Variants in LRFN3 observed in about 807,000 individuals in gnomAD.
LRFN3 encodes the protein leucine rich repeat and fibronectin type III domain containing 3, also known as leucine-rich repeat and fibronectin type-III domain-containing protein 3.
Under a neutral mutation model 23.8 loss-of-function variants are expected in LRFN3, and 8 were observed. The observed-to-expected ratio is 0.34, with a 90% confidence interval of 0.20 to 0.61. LRFN3 has a LOEUF of 0.61. Ranked by LOEUF, LRFN3 falls within the 20% of genes least tolerant of loss-of-function variation. The pLI, the probability that LRFN3 is intolerant of heterozygous loss-of-function variation, is 0.80. For synonymous variants in LRFN3, 451 were observed against 450.6 expected (o/e 1.00, Z -0.01); for missense variants, 736 against 935.3 (o/e 0.79, Z 2.78).
chr19:35,940,337 T>G lies in LRFN3; in HGVS notation c.912T>G (p.Pro304=), dbSNP rs376416039. Residue 304 remains proline, a synonymous_variant, in exon 2 of 3, where the codon CCT becomes CCG. Transcript: ENST00000246529. ...CCGTGGTGACTCACCGCTCACCACC[T>G]CTGGCTGTGCCCGCAGGTCGGCCGG... ...EPPVVTHRSP[P]LAVPAGRPAA... 7 of 1,579,578 alleles carry G rather than the reference T, an allele frequency of 4.4e-6. No homozygotes were observed. The highest frequency in any genetic ancestry group is 6.0e-6 in the Non-Finnish European group (7 of 1,167,834).
Position 35,940,853 on chromosome 19 carries a change from G to A in LRFN3, c.1415+13G>A. On this transcript the variant is annotated intron_variant, in intron 2 of 2. Transcript: ENST00000246529. ...TCCTCGTCTACAGGTGCAGGGTCCA[G>A]GCACTGGGGTAGCTTGGGTGGGGGA... The A allele has an allele frequency of 6.5e-7, 1 of 1,535,130 alleles. No homozygotes were observed. The highest frequency in any genetic ancestry group is 8.8e-7 in the Non-Finnish European group (1 of 1,134,478).
rs71836568 is a variant in LRFN3, at chr19:35,946,343, C to CTTTT, written c.*1333_*1336dup. ...CACTATGGGACATTTTTTCTTTTTT[C>CTTTT]TTTTTTTTTTTTACAGATGGGGTCT... On this transcript the variant is annotated 3_prime_UTR_variant, in exon 3 of 3. Coordinates refer to ENST00000246529, the MANE Select transcript of LRFN3 (RefSeq NM_024509.2). Among the ~76,000 whole-genome samples the CTTTT allele has an allele frequency of 6.9e-6, 1 of 144,644 alleles. No individual in the cohort carries two copies. The highest frequency in any genetic ancestry group is 2.0e-4 in the East Asian group (1 of 5,010). 94.9% of individuals were successfully genotyped at this position (144,644 alleles called of 152,430 possible).
chr19:35,942,560 G>A (rs1245992590), intron 2 of LRFN3, among the ~76,000 whole-genome samples: 1 of 152,216 alleles, frequency 6.6e-6, no homozygotes, highest in Non-Finnish European at 1.5e-5. Context: ...CCCCAGGGTT[G>A]AGGACTGTTC....
chr19:35,937,988 A>C (rs1046123254), intron 1 of LRFN3, among the ~76,000 whole-genome samples: 2 of 151,816 alleles, frequency 1.3e-5, no homozygotes, highest in East Asian at 3.9e-4. Context: ...GCTGCTTCTC[A>C]GTGACCATCG....
chr19:35,944,340 C>G lies in LRFN3; in HGVS notation c.1416-208C>G, dbSNP rs1362783923. 1.3e-5 allele frequency among the ~76,000 whole-genome samples: 2 copies of G among 152,088 alleles called. No homozygotes were observed. The highest frequency in any genetic ancestry group is 2.9e-5 in the Non-Finnish European group (2 of 68,000). ...AGAGGGTGGGCTAGAGTGAAATTGG[C>G]CAACAGACTGGAGGGGTATCAGTCA... On this transcript the variant is annotated intron_variant, in intron 2 of 2. Coordinates refer to ENST00000246529, the MANE Select transcript of LRFN3 (RefSeq NM_024509.2). This position sits in a 1 kb window ranked among gnomAD's most constrained non-coding sequence, Gnocchi z 4.5.
At chr19:35,942,505 T>G (rs1976133909) in intron 2 of LRFN3, among the ~76,000 whole-genome samples, 1 of 152,324 alleles carries the variant, frequency 6.6e-6, no homozygotes, top group Admixed American at 6.5e-5. Flanking sequence ...ACGGCCAGGC[T>G]GGGCCAAGGG....
chr19:35,944,892 A>G lies in LRFN3; in HGVS notation c.1760A>G (p.Asn587Ser). The change falls in exon 3 of 3, where the codon AAC (asparagine) becomes AGC (serine). Residue 587 changes from asparagine (N) to serine (S), a missense_variant. By Grantham distance (46) the Asn-to-Ser change is conservative. This residue lies in a region of LRFN3 where 290 missense variants were observed against 287.4 expected (regional missense o/e 1.01). Coordinates refer to ENST00000246529, the MANE Select transcript of LRFN3 (RefSeq NM_024509.2). This position sits in a 1 kb window ranked among gnomAD's most constrained non-coding sequence, Gnocchi z 4.5. ...APVSSVCSQTNGALGPTPTPA... is the reference protein window; with the variant it reads ...APVSSVCSQTSGALGPTPTPA... ...GTTAGCAGCGTTTGCTCCCAGACCA[A>G]CGGCGCCCTGGGCCCCACGCCCACG... 1 of 1,593,124 alleles carries G rather than the reference A, an allele frequency of 6.3e-7. No homozygotes were observed. The highest frequency in any genetic ancestry group is 8.5e-7 in the Non-Finnish European group (1 of 1,177,360).
chr19:35,938,751 C>A (rs1976084334), intron 1 of LRFN3, among the ~76,000 whole-genome samples: 1 of 152,070 alleles, frequency 6.6e-6, no homozygotes, highest in South Asian at 2.1e-4. Context: ...CCAACCCATG[C>A]CCTCCCTTCT....
At position 35,945,828 on chromosome 19, in the gene LRFN3, T is replaced by G. The variant is rs1409795857; in HGVS notation, c.*809T>G. The G allele has an allele frequency of 6.6e-6, 1 of 152,196 alleles. No homozygotes were observed. Among genetic ancestry groups the G allele is most frequent in the Non-Finnish European group, 1.5e-5 (1 of 68,238 alleles). The allele number at this position is 152,196 out of a possible 1,614,324, so 9.4% of individuals were successfully genotyped here. ...TGGAGGGTTGTATGCAAGGGAGGAATGGGGTCAGTTTGGGGCTTCAGGAAG... is the reference window on the plus strand; with the variant it reads ...TGGAGGGTTGTATGCAAGGGAGGAAGGGGGTCAGTTTGGGGCTTCAGGAAG... On this transcript the variant is annotated 3_prime_UTR_variant, in exon 3 of 3. Coordinates refer to ENST00000246529, the MANE Select transcript of LRFN3 (RefSeq NM_024509.2).
In LRFN3 at chr19:35,940,646, T is replaced by C; in HGVS notation, c.1221T>C (p.Ala407=). ...CCCCGCGGGACGGGGATCCTGATGC[T>C]CTCACCCCACCCTCCGCTGCCTCTG... ...CDPPRDGDPD[A]LTPPSAASAS... Residue 407 remains alanine, a synonymous_variant, in exon 2 of 3, where the codon GCT becomes GCC. Transcript: ENST00000246529. The C allele has an allele frequency of 1.2e-6, 2 of 1,611,770 alleles. No individual in the cohort carries two copies. The highest frequency in any genetic ancestry group is 1.7e-6 in the Non-Finnish European group (2 of 1,178,690).
intron 2 of LRFN3, among the ~76,000 whole-genome samples, chr19:35,943,939 C>T (rs1177188154): frequency 6.6e-6 from 1 of 152,144 alleles, no homozygotes; most frequent in Admixed American, 6.5e-5. Context: ...AATCCCAACA[C>T]TTAAGGAGGC....
In LRFN3 at chr19:35,945,026, G is replaced by GCC; in HGVS notation, c.*14_*15dup. Reference sequence around the variant, plus strand: ...CGAACCTGTGGGACCCTAGCCAGGCGCCCCCCCCTCTAAGGGTCCTCTGGC... The same window carrying GCC: ...CGAACCTGTGGGACCCTAGCCAGGCGCCCCCCCCCCTCTAAGGGTCCTCTGGC... On this transcript the variant is annotated 3_prime_UTR_variant, in exon 3 of 3. Coordinates refer to ENST00000246529, the MANE Select transcript of LRFN3 (RefSeq NM_024509.2). The GCC allele has an allele frequency of 7.4e-7, 1 of 1,356,128 alleles. No individual in the cohort carries two copies. The highest frequency in any genetic ancestry group is 1.7e-5 in the South Asian group (1 of 58,620). 84.0% of individuals were successfully genotyped at this position (1,356,128 alleles called of 1,614,324 possible).
chr19:35,938,316 C>T (rs1372522530), intron 1 of LRFN3, among the ~76,000 whole-genome samples: 1 of 152,100 alleles, frequency 6.6e-6, no homozygotes, highest in Non-Finnish European at 1.5e-5. Context: ...CTCTGATCAT[C>T]TCTGGCCACC....
Position 35,944,424 on chromosome 19 carries a change from T to G in LRFN3, c.1416-124T>G. 6 of 585,244 alleles carry G rather than the reference T, an allele frequency of 1.0e-5. No individual in the cohort carries two copies. The highest frequency in any genetic ancestry group is 3.4e-5 in the East Asian group (1 of 29,204). The allele number at this position is 585,244 out of a possible 1,614,324, so 36.3% of individuals were successfully genotyped here. On this transcript the variant is annotated intron_variant, in intron 2 of 2. Transcript: ENST00000246529. This position sits in a 1 kb window ranked among gnomAD's most constrained non-coding sequence, Gnocchi z 4.5. ...TGGGATGTTGGTGAGAGGGAGCTCA[T>G]TGGGTAGAATGAAATGAAGGAGTGG... is the stretch of plus-strand genomic sequence containing the variant.
Position 35,940,142 on chromosome 19 carries a change from C to G in LRFN3, c.717C>G (p.Ala239=), listed in dbSNP as rs1976100754. 9.3e-6 allele frequency: 15 copies of G among 1,611,256 alleles called. No individual in the cohort carries two copies. The highest frequency in any genetic ancestry group is 1.3e-5 in the Non-Finnish European group (15 of 1,179,572). Residue 239 remains alanine (A), a synonymous_variant, in exon 2 of 3, where the codon GCC becomes GCG. Transcript: ENST00000246529. ...PLLARPRGSP[A]SALVLAFGGN... ...TCGCCAGGCCCCGGGGCTCGCCCGC[C>G]TCTGCCCTGGTGCTGGCCTTTGGCG...
At position 35,939,664 on chromosome 19, in the gene LRFN3, C is replaced by T. The variant is rs1271949424; in HGVS notation, c.239C>T (p.Ala80Val). The T allele has an allele frequency of 6.2e-7, 1 of 1,608,126 alleles. No individual in the cohort carries two copies. Among genetic ancestry groups the T allele is most frequent in the East Asian group, 2.2e-5 (1 of 44,864 alleles). The change falls in exon 2 of 3, where the codon GCC (alanine) becomes GTC (valine). Residue 80 changes from alanine to valine, a missense_variant. By Grantham distance (64) the Ala-to-Val change is moderately conservative. Transcript: ENST00000246529. This position sits in a 1 kb window ranked among gnomAD's most constrained non-coding sequence, Gnocchi z 6.4. ...FIASVRRRDL[A>V]NMTGLLHLSL... ...GCCTCCGTGCGCCGCCGCGACCTGG[C>T]CAACATGACAGGCCTGCTGCATCTG...
chr19:35,939,326 T>C lies in LRFN3; in HGVS notation c.-16-84T>C, dbSNP rs1229245143. ...ACCAGCCCTTCTGCCCTCAGCCCACTGTGACCTTCTCTCCTGGTCTCAGAC... is the reference window on the plus strand; with the variant it reads ...ACCAGCCCTTCTGCCCTCAGCCCACCGTGACCTTCTCTCCTGGTCTCAGAC... On this transcript the variant is annotated intron_variant, in intron 1 of 2. Coordinates refer to ENST00000246529, the MANE Select transcript of LRFN3 (RefSeq NM_024509.2). The surrounding 1 kb of genome is among the most constrained non-coding windows in gnomAD (Gnocchi z 6.4). The C allele has an allele frequency of 1.4e-6, 2 of 1,405,294 alleles. No individual in the cohort carries two copies. Among genetic ancestry groups the C allele is most frequent in the Non-Finnish European group, 1.9e-6 (2 of 1,045,702 alleles). 87.1% of individuals were successfully genotyped at this position (1,405,294 alleles called of 1,614,324 possible). A position where few individuals can be genotyped will look rare whatever the true frequency, so the allele number is the denominator to read the frequency against.
In LRFN3 at chr19:35,944,962, C is replaced by T; in HGVS notation, c.1830C>T (p.Thr610=). 6 of 1,443,532 alleles carry T rather than the reference C, an allele frequency of 4.2e-6. No individual in the cohort carries two copies. In the Admixed American group the frequency reaches 1.2e-4, roughly 29 times the overall value. 89.4% of individuals were successfully genotyped at this position (1,443,532 alleles called of 1,614,324 possible). Residue 610 remains threonine (T), a synonymous_variant, in exon 3 of 3, where the codon ACC becomes ACT. Transcript: ENST00000246529. The surrounding 1 kb of genome is among the most constrained non-coding windows in gnomAD (Gnocchi z 4.5). The stretch of plus-strand genomic sequence containing the variant: ...AGCCCGCGGCGCTCAGGGCCCACAC[C>T]GTGGTCCAGCTGGACTGCGAGCCCT... ...APEPAALRAH[T]VVQLDCEPWG... is the part of the protein sequence containing the mutation.
rs1976158965 is a variant in LRFN3 at position 35,944,808 on chromosome 19, T to A, written c.1676T>A (p.Leu559Gln). The A allele has an allele frequency of 2.5e-6, 4 of 1,610,550 alleles. No homozygotes were observed. The Admixed American group carries it at 5.0e-5, about 20-fold the overall frequency. The change falls in exon 3 of 3, where the codon CTA (leucine) becomes CAA (glutamine). Residue 559 changes from leucine (L) to glutamine (Q), a missense_variant. Leu to Gln is a moderately radical substitution (Grantham distance 113). This residue lies in a region of LRFN3 where 290 missense variants were observed against 287.4 expected (regional missense o/e 1.01). Coordinates refer to ENST00000246529, the MANE Select transcript of LRFN3 (RefSeq NM_024509.2). This position sits in a 1 kb window ranked among gnomAD's most constrained non-coding sequence, Gnocchi z 4.5. ...ASVLVFIFVLLMRYKVHGGQP... is the reference protein window; with the variant it reads ...ASVLVFIFVLQMRYKVHGGQP... ...GTACTGGTCTTCATCTTCGTGCTGC[T>A]AATGCGCTACAAGGTGCACGGCGGC... is the stretch of plus-strand genomic sequence containing the variant.
Sources: allele counts gnomAD v4.1 joint callset (sites outside exome capture counted in the v4.1 genomes callset), GRCh38; gene constraint gnomAD v4.1.1; regional missense constraint gnomAD v4.1.1; non-coding constraint Gnocchi (gnomAD v3.1); transcripts MANE v1.5; gene names NCBI Gene and HGNC (gene_info 2026-07-23, HGNC 2026-07-21).